The following CSMD1 variants were observed in gnomAD, a reference collection of about 807,000 sequenced individuals.
The protein encoded by CSMD1 is CUB and Sushi multiple domains 1, also known as CUB and sushi domain-containing protein 1.
Under a neutral mutation model 417.5 loss-of-function variants are expected in CSMD1, and 213 were observed. The observed-to-expected ratio is 0.51, with a 90% confidence interval of 0.46 to 0.57. The LOEUF (loss-of-function observed/expected upper bound fraction) is 0.57. Among genes scored for constraint, CSMD1 ranks in the 20% least tolerant of loss-of-function variants. The pLI, the probability that CSMD1 is intolerant of heterozygous loss-of-function variation, is 0.00. For synonymous variants in CSMD1, 2,862 were observed against 1,736.8 expected, an observed-to-expected ratio of 1.65 and a Z score of -16.11; for missense variants, 6,923 against 4,529.7, an observed-to-expected ratio of 1.53 and a Z score of -15.17.
chr8:4,068,868 G>A (rs1216597783), intron 3 of CSMD1, among the ~76,000 whole-genome samples: 1 of 152,074 alleles, frequency 6.6e-6, no homozygotes, highest in Non-Finnish European at 1.5e-5. Context: ...CATCTAGTTA[G>A]GCACTGCATT....
intron 7 of CSMD1, among the ~76,000 whole-genome samples, chr8:3,672,745 C>A (rs901345323): frequency 1.3e-5 from 2 of 152,126 alleles, no homozygotes; most frequent in Non-Finnish European, 2.9e-5. Context: ...GTATTTAAAC[C>A]AGGCAAATGG....
rs188415080 is a variant in CSMD1, at chr8:4,117,521, C to G, written c.416-85422G>C. ...ATCATCTCCCTCCGACCAACTCTCT[C>G]GGCAGCCTATTATAATACTCACTGA... On this transcript the variant is annotated intron_variant, in intron 3 of 69. Transcript: ENST00000635120. Among the ~76,000 whole-genome samples, 377 of 152,278 alleles carry G rather than the reference C, an allele frequency of 2.5e-3. 4 individuals carry two copies. Among genetic ancestry groups the G allele is most frequent in the Middle Eastern group, 0.024 (7 of 294 alleles).
intron 21 of CSMD1, among the ~76,000 whole-genome samples, chr8:3,351,471 C>A (rs1247819301): frequency 6.6e-6 from 1 of 151,604 alleles, no homozygotes; most frequent in African/African-American, 2.4e-5. Flanking sequence ...ATTAGCTAGG[C>A]GTGGTGGCAC....
chr8:4,530,632 G>A (rs1203392190), intron 2 of CSMD1, among the ~76,000 whole-genome samples: 2 of 151,408 alleles, frequency 1.3e-5, no homozygotes. Context: ...TTCTGAGGAT[G>A]ATGGTTTCTA....
chr8:4,880,420 T>A (rs2043809), intron 1 of CSMD1, among the ~76,000 whole-genome samples: 1 of 152,026 alleles, frequency 6.6e-6, no homozygotes, highest in Non-Finnish European at 1.5e-5. Flanking sequence ...ATCGTAGGAC[T>A]CCTTACAGAT....
chr8:4,239,886 A>G (rs942034453), intron 3 of CSMD1, among the ~76,000 whole-genome samples: 2 of 152,242 alleles, frequency 1.3e-5, no homozygotes, highest in African/African-American at 4.8e-5. Flanking sequence ...TATCCTTTGC[A>G]GCATTAGCAA....
chr8:4,689,369 T>C (rs1264356720), intron 1 of CSMD1, among the ~76,000 whole-genome samples: 1 of 152,200 alleles, frequency 6.6e-6, no homozygotes, highest in East Asian at 1.9e-4. Context: ...TTTTTCCACA[T>C]TGTAGAGTCA....
intron 46 of CSMD1, among the ~76,000 whole-genome samples, chr8:3,103,308 A>G (rs373042606): frequency 5.3e-5 from 8 of 152,124 alleles, no homozygotes; most frequent in African/African-American, 1.9e-4. Context: ...CGTTATTGGG[A>G]CATGAAAAAT....
chr8:3,707,914 C>T (rs370768252), intron 7 of CSMD1, among the ~76,000 whole-genome samples: 5 of 152,232 alleles, frequency 3.3e-5, no homozygotes, highest in South Asian at 2.1e-4. Flanking sequence ...GTCCTGGGCA[C>T]GTGCAAAAGT....
intron 3 of CSMD1, among the ~76,000 whole-genome samples, chr8:4,253,495 C>A (rs1400349896): frequency 6.6e-6 from 1 of 152,052 alleles, no homozygotes; most frequent in Non-Finnish European, 1.5e-5. Context: ...ATGCACCAGA[C>A]ACTAGGTTAA....
chr8:3,363,637 C>G (rs997179617), intron 20 of CSMD1, among the ~76,000 whole-genome samples: 3 of 152,148 alleles, frequency 2.0e-5, no homozygotes, highest in South Asian at 2.1e-4. Context: ...ACTCCATTCT[C>G]CTGCCTCAGT....
intron 2 of CSMD1, among the ~76,000 whole-genome samples, chr8:4,554,352 G>C (rs1281593494): frequency 6.6e-6 from 1 of 152,094 alleles, no homozygotes; most frequent in Non-Finnish European, 1.5e-5. Flanking sequence ...GCCCACGCTG[G>C]TCTGAAACTC....
intron 4 of CSMD1, among the ~76,000 whole-genome samples, chr8:4,006,378 T>C (rs1816114918): frequency 6.6e-6 from 1 of 152,162 alleles, no homozygotes. Flanking sequence ...ACCCTGTCTC[T>C]ACTAAAAATA....
At chr8:3,174,842 T>G (rs1467073110) in intron 37 of CSMD1, among the ~76,000 whole-genome samples, 1 of 152,150 alleles carries the variant, frequency 6.6e-6, no homozygotes, top group Non-Finnish European at 1.5e-5. Flanking sequence ...TTATGTTGCA[T>G]CAAACACTTA....
At chr8:4,554,630 T>C (rs561835127) in intron 2 of CSMD1, among the ~76,000 whole-genome samples, 9 of 152,204 alleles carry the variant, frequency 5.9e-5, no homozygotes, top group Non-Finnish European at 1.3e-4. Context: ...TTTTACCTTA[T>C]TGCTAAGTTG....
intron 49 of CSMD1, among the ~76,000 whole-genome samples, chr8:3,074,117 C>T (rs1257462810): frequency 6.6e-6 from 1 of 152,204 alleles, no homozygotes; most frequent in Non-Finnish European, 1.5e-5. Flanking sequence ...ACGTTTCTTG[C>T]ATTTGCGCAG....
chr8:3,453,004 T>G (rs1815850632), intron 12 of CSMD1, among the ~76,000 whole-genome samples: 1 of 152,208 alleles, frequency 6.6e-6, no homozygotes, highest in Admixed American at 6.5e-5. Flanking sequence ...AGCCTGTTAT[T>G]GGTCTATTCA....
intron 5 of CSMD1, among the ~76,000 whole-genome samples, chr8:3,916,281 A>T (rs1161737339): frequency 6.6e-6 from 1 of 152,180 alleles, no homozygotes; most frequent in Non-Finnish European, 1.5e-5. Context: ...GCTTTTGTGG[A>T]AAGTCTCATA....
chr8:3,376,154 G>T (rs911844497), intron 18 of CSMD1, among the ~76,000 whole-genome samples: 2 of 152,020 alleles, frequency 1.3e-5, no homozygotes, highest in Admixed American at 1.3e-4. Flanking sequence ...TGCTTGTGGA[G>T]AGAGTAAACA....
Sources: allele counts gnomAD v4.1 joint callset (sites outside exome capture counted in the v4.1 genomes callset), GRCh38; gene constraint gnomAD v4.1.1; transcripts MANE v1.5; gene names NCBI Gene and HGNC (gene_info 2026-07-23, HGNC 2026-07-21).